GALNTL6: variants seen among roughly 807,000 people sequenced by gnomAD.
The protein encoded by GALNTL6 is polypeptide N-acetylgalactosaminyltransferase like 6.
GALNTL6 carries 46 observed loss-of-function variants against 73.7 expected under a neutral mutation model. The ratio of observed to expected loss-of-function variants is 0.62; its 90% confidence interval spans 0.49 to 0.80. GALNTL6 has a LOEUF of 0.80. Ranked by LOEUF, GALNTL6 falls within the 30% of genes least tolerant of loss-of-function variation. GALNTL6 has a pLI of 0.00. For synonymous variants in GALNTL6, 259 were observed against 263.7 expected (o/e 0.98, Z 0.17); for missense variants, 604 against 755.0 (o/e 0.80, Z 2.34).
At chr4:172,301,055 T>G (rs1487584953) in intron 3 of GALNTL6, among the ~76,000 whole-genome samples, 1 of 152,180 alleles carries the variant, frequency 6.6e-6, no homozygotes, top group Non-Finnish European at 1.5e-5. Flanking sequence ...TCTTGGAGGC[T>G]TTGTTCGTTT....
At chr4:172,240,079 G>A (rs1402835831) in intron 3 of GALNTL6, among the ~76,000 whole-genome samples, 1 of 152,128 alleles carries the variant, frequency 6.6e-6, no homozygotes. Context: ...TTGGACTCTT[G>A]TGTGAGGTTG....
intron 2 of GALNTL6, among the ~76,000 whole-genome samples, chr4:172,057,271 A>G (rs917185993): frequency 3.3e-5 from 5 of 152,112 alleles, no homozygotes; most frequent in Admixed American, 6.6e-5. Context: ...AAAATTAGCC[A>G]GTTGTAGTGG....
intron 5 of GALNTL6, among the ~76,000 whole-genome samples, chr4:172,608,917 C>T (rs950978834): frequency 6.6e-6 from 1 of 151,998 alleles, no homozygotes; most frequent in Non-Finnish European, 1.5e-5. Flanking sequence ...CTTAATTTGG[C>T]TCTCAGCTTG....
chr4:173,019,237 C>T (rs11721460), intron 11 of GALNTL6, among the ~76,000 whole-genome samples: 50,002 of 152,006 alleles, frequency 0.33, 8,512 homozygotes, highest in Non-Finnish European at 0.36. Flanking sequence ...GCATTTAGAA[C>T]ATGCTGGATC....
chr4:172,437,088 A>G (rs1399737719), intron 5 of GALNTL6, among the ~76,000 whole-genome samples: 1 of 152,142 alleles, frequency 6.6e-6, no homozygotes, highest in Non-Finnish European at 1.5e-5. Flanking sequence ...CAGTCCACCC[A>G]ACTACTTCAT....
At chr4:172,199,759 GT>G (rs1483598460) in intron 2 of GALNTL6, among the ~76,000 whole-genome samples, 22 of 151,988 alleles carry the variant, frequency 1.4e-4, no homozygotes, top group Non-Finnish European at 1.5e-5. Flanking sequence ...TGTTGTTGTT[GT>G]TTGTTTGTTT....
intron 9 of GALNTL6, among the ~76,000 whole-genome samples, chr4:172,936,642 T>C (rs369108638): frequency 4.7e-4 from 72 of 152,216 alleles, no homozygotes; most frequent in African/African-American, 1.5e-3. Context: ...GAGAGCCAAA[T>C]TGTGAGTGAA....
chr4:172,202,506 T>C (rs1475623411), intron 2 of GALNTL6, among the ~76,000 whole-genome samples: 1 of 152,194 alleles, frequency 6.6e-6, no homozygotes, highest in Non-Finnish European at 1.5e-5. Context: ...AACACAAATA[T>C]TGACATACAT....
At chr4:171,840,616 T>C (rs1735213647) in intron 2 of GALNTL6, among the ~76,000 whole-genome samples, 1 of 152,158 alleles carries the variant, frequency 6.6e-6, no homozygotes. Flanking sequence ...GGAGTGTGGG[T>C]AGCCTTTGGA....
intron 5 of GALNTL6, among the ~76,000 whole-genome samples, chr4:172,542,855 G>A (rs1057371918): frequency 6.6e-6 from 1 of 152,044 alleles, no homozygotes; most frequent in Non-Finnish European, 1.5e-5. Flanking sequence ...CACTTTGGGA[G>A]GCGCAGGCGG....
At chr4:172,017,240 G>A (rs1052497365) in intron 2 of GALNTL6, among the ~76,000 whole-genome samples, 1 of 152,122 alleles carries the variant, frequency 6.6e-6, no homozygotes, top group Admixed American at 6.5e-5. Flanking sequence ...CCCCTGCCAT[G>A]TCAGCAAGAA....
At chr4:172,031,667 C>T (rs1048760089) in intron 2 of GALNTL6, among the ~76,000 whole-genome samples, 6 of 151,890 alleles carry the variant, frequency 4.0e-5, no homozygotes, top group African/African-American at 7.3e-5. Flanking sequence ...CTCTGCCATT[C>T]GATAGGCAGC....
chr4:172,616,528 T>C (rs1004918369), intron 5 of GALNTL6, among the ~76,000 whole-genome samples: 60 of 140,452 alleles, frequency 4.3e-4, no homozygotes, highest in Middle Eastern at 3.8e-3. Flanking sequence ...AGAAAATCCA[T>C]ACTCTTTTTT....
At position 171,876,660 on chromosome 4, in the gene GALNTL6, A is replaced by T. The variant is rs78705417; in HGVS notation, c.138+61942A>T. Among the ~76,000 whole-genome samples the T allele has an allele frequency of 1.4e-3, 217 of 152,336 alleles. 1 individual carries two copies. Among genetic ancestry groups the T allele is most frequent in the Admixed American group, 9.7e-3 (149 of 15,292 alleles). On this transcript the variant is annotated intron_variant, in intron 2 of 12. Coordinates refer to ENST00000506823, the MANE Select transcript of GALNTL6 (RefSeq NM_001034845.3). Reference sequence around the variant, plus strand: ...TCAGCCTCACCAAGTCAACTTAGATAGTAACCTTAGTTAAGATAGTCATTT... The same window carrying T: ...TCAGCCTCACCAAGTCAACTTAGATTGTAACCTTAGTTAAGATAGTCATTT...
intron 5 of GALNTL6, among the ~76,000 whole-genome samples, chr4:172,603,201 T>G (rs1373672582): frequency 6.6e-6 from 1 of 152,208 alleles, no homozygotes; most frequent in African/African-American, 2.4e-5. Context: ...GGGGAACAAT[T>G]CATCGTATGC....
chr4:172,846,121 T>C (rs1316780024), intron 7 of GALNTL6, among the ~76,000 whole-genome samples: 1 of 152,224 alleles, frequency 6.6e-6, no homozygotes, highest in African/African-American at 2.4e-5. Context: ...CCTTCTCAAC[T>C]GAGCCCTGGC....
intron 8 of GALNTL6, among the ~76,000 whole-genome samples, chr4:172,897,806 G>A (rs906304549): frequency 6.6e-6 from 1 of 152,302 alleles, no homozygotes; most frequent in African/African-American, 2.4e-5. Flanking sequence ...GATGTGAGCA[G>A]GTTGCCTTCT....
intron 5 of GALNTL6, among the ~76,000 whole-genome samples, chr4:172,408,090 G>A (rs952435060): frequency 1.3e-5 from 2 of 152,036 alleles, no homozygotes; most frequent in African/African-American, 4.8e-5. Flanking sequence ...AACCTTTGGG[G>A]ATTCGGGTGA....
chr4:171,925,109 A>T lies in GALNTL6; in HGVS notation c.138+110391A>T, dbSNP rs369847532. 2.0e-5 allele frequency among the ~76,000 whole-genome samples: 3 copies of T among 152,232 alleles called. No homozygotes were observed. In the South Asian group the frequency reaches 6.2e-4, roughly 32 times the overall value. On this transcript the variant is annotated intron_variant, in intron 2 of 12. Transcript: ENST00000506823. ...AAGGCAGAGAAGAATGCTGGAGCAA[A>T]TGTATTGATGCACAAACAGGAGCAT...
Sources: allele counts gnomAD v4.1 joint callset (sites outside exome capture counted in the v4.1 genomes callset), GRCh38; gene constraint gnomAD v4.1.1; transcripts MANE v1.5; gene names NCBI Gene and HGNC (gene_info 2026-07-23, HGNC 2026-07-21).